The following DLGAP1 variants were observed in gnomAD, a reference collection of about 807,000 sequenced individuals.
DLGAP1 encodes the protein DLG associated protein 1, also known as disks large-associated protein 1.
Under a neutral mutation model 90.8 loss-of-function variants are expected in DLGAP1, and 11 were observed. The observed-to-expected ratio is 0.12, with a 90% CI of 0.08 to 0.20. The LOEUF is 0.20. Among genes scored for constraint, DLGAP1 ranks in the 10% least tolerant of loss-of-function variants. DLGAP1 has a pLI of 1.00. For synonymous variants in DLGAP1, 558 were observed against 540.7 expected (o/e 1.03, Z -0.44); for missense variants, 1,050 against 1,333.8 (o/e 0.79, Z 3.31).
intron 7 of DLGAP1, among the ~76,000 whole-genome samples, chr18:3,702,557 T>A (rs551801104): frequency 6.6e-6 from 1 of 152,338 alleles, no homozygotes; most frequent in Admixed American, 6.5e-5. Context: ...CCTGGGCTTC[T>A]TCCTAGACCC....
intron 3 of DLGAP1, among the ~76,000 whole-genome samples, chr18:3,975,115 A>G (rs2149013961): frequency 6.6e-6 from 1 of 152,234 alleles, no homozygotes; most frequent in Non-Finnish European, 1.5e-5. Flanking sequence ...TTGCACCACA[A>G]TGTGAAGGTA....
rs899968897 is a variant in DLGAP1, at chr18:4,400,313, A to G, written c.-267+54693T>C. On this transcript the variant is annotated intron_variant, in intron 1 of 12. Coordinates refer to ENST00000315677, the MANE Select transcript of DLGAP1 (RefSeq NM_004746.4). The stretch of plus-strand genomic sequence containing the variant: ...CTCTGGGGACAAGGTGACCTGAATA[A>G]TTCTGTGAAAACATTCAAGTTTTGA... Among the ~76,000 whole-genome samples the G allele has an allele frequency of 2.9e-4, 44 of 152,238 alleles. 1 individual carries two copies. The highest frequency in any genetic ancestry group is 2.9e-3 in the Admixed American group (44 of 15,286).
At chr18:4,005,452 C>T (rs2074280483) in intron 2 of DLGAP1, among the ~76,000 whole-genome samples, 1 of 152,152 alleles carries the variant, frequency 6.6e-6, no homozygotes, top group South Asian at 2.1e-4. Flanking sequence ...TTTGGTGATA[C>T]TCTATTCCCC....
chr18:4,361,554 C>G (rs2081630159), intron 1 of DLGAP1, among the ~76,000 whole-genome samples: 1 of 152,120 alleles, frequency 6.6e-6, no homozygotes, highest in Non-Finnish European at 1.5e-5. Flanking sequence ...TTTCCACAAA[C>G]AAGAAAATGA....
At chr18:4,099,336 T>C (rs1241738116) in intron 2 of DLGAP1, among the ~76,000 whole-genome samples, 1 of 129,036 alleles carries the variant, frequency 7.7e-6, no homozygotes, top group East Asian at 2.4e-4. Flanking sequence ...TCTATCTATC[T>C]ATCTATCTAT....
At chr18:3,688,101 C>T (rs951606504) in intron 7 of DLGAP1, among the ~76,000 whole-genome samples, 8 of 151,956 alleles carry the variant, frequency 5.3e-5, no homozygotes, top group African/African-American at 1.2e-4. Flanking sequence ...AGTAGAGACG[C>T]GGTTTCACCA....
intron 1 of DLGAP1, among the ~76,000 whole-genome samples, chr18:4,263,706 A>G (rs1317515902): frequency 6.6e-6 from 1 of 152,200 alleles, no homozygotes; most frequent in East Asian, 1.9e-4. Context: ...CAATTAATCA[A>G]TTCTGGTTCA....
At chr18:4,159,239 G>A (rs1328414962) in intron 1 of DLGAP1, among the ~76,000 whole-genome samples, 1 of 152,168 alleles carries the variant, frequency 6.6e-6, no homozygotes, top group Non-Finnish European at 1.5e-5. Flanking sequence ...ACTATACAGT[G>A]TGAAACTGAT....
At chr18:4,194,444 A>G (rs2077457314) in intron 1 of DLGAP1, among the ~76,000 whole-genome samples, 1 of 152,314 alleles carries the variant, frequency 6.6e-6, no homozygotes, top group African/African-American at 2.4e-5. Context: ...ATTATATCGA[A>G]TTGGATTAGT....
intron 1 of DLGAP1, among the ~76,000 whole-genome samples, chr18:4,242,794 G>C (rs912544281): frequency 6.6e-6 from 1 of 152,068 alleles, no homozygotes; most frequent in Non-Finnish European, 1.5e-5. Flanking sequence ...ATAAAGGTGA[G>C]ATCATGCATG....
intron 5 of DLGAP1, among the ~76,000 whole-genome samples, chr18:3,773,395 G>A (rs1650958691): frequency 6.6e-6 from 1 of 152,014 alleles, no homozygotes; most frequent in Admixed American, 6.5e-5. Flanking sequence ...AACTATTGTT[G>A]GCAGCAAGAA....
chr18:4,259,642 G>A (rs1199052452), intron 1 of DLGAP1, among the ~76,000 whole-genome samples: 1 of 152,166 alleles, frequency 6.6e-6, no homozygotes, highest in East Asian at 1.9e-4. Flanking sequence ...AACCCCTTGA[G>A]CTTCACTGGC....
intron 2 of DLGAP1, among the ~76,000 whole-genome samples, chr18:4,123,161 G>A (rs952391053): frequency 7.2e-5 from 11 of 152,264 alleles, no homozygotes; most frequent in African/African-American, 2.6e-4. Context: ...GACAAGATGG[G>A]AGGAGGGAAG....
At chr18:3,891,395 T>C (rs1340693855) in intron 3 of DLGAP1, among the ~76,000 whole-genome samples, 1 of 152,132 alleles carries the variant, frequency 6.6e-6, no homozygotes, top group Non-Finnish European at 1.5e-5. Flanking sequence ...GGCTGCTGAG[T>C]GTCGCTGGGG....
intron 3 of DLGAP1, among the ~76,000 whole-genome samples, chr18:3,960,545 G>A (rs1357289851): frequency 3.3e-5 from 5 of 152,174 alleles, no homozygotes; most frequent in South Asian, 2.1e-4. Context: ...CTGGGTGACA[G>A]AGCGGAGACC....
intron 7 of DLGAP1, among the ~76,000 whole-genome samples, chr18:3,619,926 C>A (rs1331617975): frequency 6.6e-6 from 1 of 151,828 alleles, no homozygotes; most frequent in African/African-American, 2.4e-5. Flanking sequence ...AAGGGATCCT[C>A]CCACCTCAGC....
intron 2 of DLGAP1, among the ~76,000 whole-genome samples, chr18:4,050,226 A>G (rs1453351914): frequency 6.6e-6 from 1 of 152,186 alleles, no homozygotes; most frequent in Non-Finnish European, 1.5e-5. Flanking sequence ...TGGAGGCAAA[A>G]CAGACTAGTA....
chr18:3,551,176 T>TATATATATATATATATATATATATATAC lies in DLGAP1; in HGVS notation c.2057+16313_2057+16314insGTATATATATATATATATATATATATAT, dbSNP rs1478108279. ...TTATATACATATATATATATATATA[T>TATATATATATATATATATATATATATAC]ACACATACATATAAATGCTTTTTTT... is the stretch of plus-strand genomic sequence containing the variant. On this transcript the variant is annotated intron_variant, in intron 9 of 12. Coordinates refer to ENST00000315677, the MANE Select transcript of DLGAP1 (RefSeq NM_004746.4). Among the ~76,000 whole-genome samples, 5 of 4,132 alleles carry TATATATATATATATATATATATATATAC rather than the reference T, an allele frequency of 1.2e-3. 1 individual carries two copies. The highest frequency in any genetic ancestry group is 1.6e-3 in the African/African-American group (5 of 3,072). 2.7% of individuals were successfully genotyped at this position (4,132 alleles called of 152,430 possible).
At chr18:4,018,305 C>A (rs2074555186) in intron 2 of DLGAP1, among the ~76,000 whole-genome samples, 1 of 152,164 alleles carries the variant, frequency 6.6e-6, no homozygotes, top group Non-Finnish European at 1.5e-5. Context: ...TCAGAACTGG[C>A]CCAAACTGAA....
Sources: allele counts gnomAD v4.1 joint callset (sites outside exome capture counted in the v4.1 genomes callset), GRCh38; gene constraint gnomAD v4.1.1; transcripts MANE v1.5; gene names NCBI Gene and HGNC (gene_info 2026-07-23, HGNC 2026-07-21).